Variants in LAMB4 observed in about 807,000 individuals in gnomAD.
The protein encoded by LAMB4 is laminin subunit beta 4.
In LAMB4, 196 loss-of-function variants were observed where a neutral mutation model predicts 199.2. The ratio of observed to expected loss-of-function variants is 0.98; its 90% CI spans 0.88 to 1.11. LAMB4 has a LOEUF of 1.11. LAMB4 is among the 50% of genes least tolerant of loss of function. The probability of loss-of-function intolerance (pLI) is 0.00; values close to 1 mark genes in which losing one functional copy is unlikely to be tolerated. For synonymous variants in LAMB4, 744 were observed against 770.6 expected (o/e 0.97, Z 0.57); for missense variants, 2,080 against 2,171.2 (o/e 0.96, Z 0.83).
rs370579051 is a variant in LAMB4 at position 108,078,307 on chromosome 7, C to G, written c.1897G>C (p.Asp633His). 7 of 1,597,608 alleles carry G rather than the reference C, an allele frequency of 4.4e-6. No individual in the cohort carries two copies. In the African/African-American group the frequency reaches 6.7e-5, roughly 15 times the overall value. ...AIHYETQSAA[D>H]WTVQIVVNPP... ...TTCACCACAATCTGGACAGTCCAGT[C>G]AGCTGCAGACTAGACAGGCATGACA... The change falls in exon 16 of 34, where the codon GAC becomes CAC. Residue 633 changes from aspartate (D) to histidine (H), a missense_variant. Coordinates refer to ENST00000388781, the MANE Select transcript of LAMB4 (RefSeq NM_007356.3).
intron 29 of LAMB4, among the ~76,000 whole-genome samples, chr7:108,039,390 G>C (rs555923957): frequency 6.6e-6 from 1 of 151,766 alleles, no homozygotes; most frequent in Non-Finnish European, 1.5e-5. Context: ...AATGTGACAA[G>C]AATTTTTTTG....
intron 15 of LAMB4, among the ~76,000 whole-genome samples, chr7:108,079,113 A>G (rs2150577319): frequency 6.6e-6 from 1 of 152,282 alleles, no homozygotes; most frequent in South Asian, 2.1e-4. Context: ...TGTTTTAGAT[A>G]TTTCTTAAAA....
intron 29 of LAMB4, among the ~76,000 whole-genome samples, chr7:108,043,353 C>T (rs113410778): frequency 6.6e-6 from 1 of 151,902 alleles, no homozygotes; most frequent in East Asian, 1.9e-4. Context: ...ACACAAAGTT[C>T]ATGTGTTTGG....
chr7:108,111,992 A>G, intron 3 of LAMB4, 46 bp from the exon 4 acceptor site: 1 of 1,506,846 alleles, frequency 6.6e-7, no homozygotes, highest in South Asian at 1.2e-5. Context: ...TTGGAATTAC[A>G]TATTGTTGGG....
At chr7:108,023,081 T>C (rs1335737828), downstream of LAMB4, among the ~76,000 whole-genome samples, 1 of 152,234 alleles carries the variant, frequency 6.6e-6, no homozygotes, top group Non-Finnish European at 1.5e-5. Context: ...CCCAAAGTGC[T>C]GGGATTATAG....
At chr7:108,094,111 G>A (rs929576311) in intron 12 of LAMB4, among the ~76,000 whole-genome samples, 2 of 152,202 alleles carry the variant, frequency 1.3e-5, no homozygotes, top group African/African-American at 2.4e-5. Context: ...TCCCCCATGG[G>A]GGGGGTCCCT....
intron 26 of LAMB4, 41 bp downstream of exon 26, chr7:108,052,056 A>T: frequency 6.4e-7 from 1 of 1,554,140 alleles, no homozygotes; most frequent in Non-Finnish European, 8.7e-7. Flanking sequence ...GATTTCATCA[A>T]ACTTTGTGCA....
chr7:108,091,881 GAATCAGTCAATC>G lies in LAMB4; in HGVS notation c.1551-117_1551-106del, dbSNP rs759484236. On this transcript the variant is annotated intron_variant, in intron 13 of 33. Transcript: ENST00000388781. ...CTCCCTGAGTTTGGAGCAATCCTTA[GAATCAGTCAATC>G]AATGGTCCTGTGGGAAGATGCAGAA... The G allele has an allele frequency of 3.6e-4, 404 of 1,110,708 alleles. 1 individual carries two copies. Among genetic ancestry groups the G allele is most frequent in the Middle Eastern group, 6.0e-4 (2 of 3,346 alleles). 68.8% of individuals were successfully genotyped at this position (1,110,708 alleles called of 1,614,324 possible).
At chr7:108,046,482 T>C (rs73424727) in intron 28 of LAMB4, among the ~76,000 whole-genome samples, 5,970 of 152,146 alleles carry the variant, frequency 0.039, 404 homozygotes, top group African/African-American at 0.14. Flanking sequence ...TAAAAGCTTT[T>C]TCTTCTTTGT....
intron 18 of LAMB4, among the ~76,000 whole-genome samples, chr7:108,068,520 C>T (rs2036422149): frequency 6.6e-6 from 1 of 151,784 alleles, no homozygotes; most frequent in Non-Finnish European, 1.5e-5. Context: ...ATACCTACTA[C>T]TTTATTTTTT....
At chr7:108,117,783 C>A (rs113350068) in intron 2 of LAMB4, among the ~76,000 whole-genome samples, 6,123 of 152,274 alleles carry the variant, frequency 0.04, 372 homozygotes, top group African/African-American at 0.14. Flanking sequence ...TTACCCATGT[C>A]TTCCCCTTTT....
Position 108,057,583 on chromosome 7 carries a change from T to A in LAMB4, c.3379+249A>T, listed in dbSNP as rs148704726. On this transcript the variant is annotated intron_variant, in intron 24 of 33. Transcript: ENST00000388781. ...AGCTGACTGTTCCATTTGTAATGAG[T>A]TTGAGGAATTTTAAGACAGGCTACG... Among the ~76,000 whole-genome samples, 29 of 152,256 alleles carry A rather than the reference T, an allele frequency of 1.9e-4. No homozygotes were observed. In the East Asian group the frequency reaches 5.4e-3, roughly 28 times the overall value.
At position 108,092,355 on chromosome 7, in the gene LAMB4, C is replaced by CA; in HGVS notation, c.1531_1532insT (p.Gly511ValfsTer6). ...GACTTACACGTTAGAATAAGCACCT[C>CA]CAATATCACAGTCACAGGGAGAACA... is the stretch of plus-strand genomic sequence containing the variant. On this transcript the variant is annotated frameshift_variant, in exon 13 of 34. Coordinates refer to ENST00000388781, the MANE Select transcript of LAMB4 (RefSeq NM_007356.3). LOFTEE classifies it high-confidence loss of function. 2 of 1,613,584 alleles carry CA rather than the reference C, an allele frequency of 1.2e-6. No individual in the cohort carries two copies. The highest frequency in any genetic ancestry group is 8.5e-7 in the Non-Finnish European group (1 of 1,179,546).
At chr7:108,019,300 C>A (rs1386009411), downstream of LAMB4, among the ~76,000 whole-genome samples, 2 of 151,956 alleles carry the variant, frequency 1.3e-5, no homozygotes. Context: ...TCAAAGCCAG[C>A]AACATCAGGT....
chr7:108,095,011 T>C (rs1387212964), intron 12 of LAMB4, among the ~76,000 whole-genome samples: 1 of 152,014 alleles, frequency 6.6e-6, no homozygotes, highest in Non-Finnish European at 1.5e-5. Flanking sequence ...TCCAGTCCAG[T>C]GGTGAGCTGG....
chr7:108,053,191 A>T (rs913695162), intron 25 of LAMB4, among the ~76,000 whole-genome samples: 1 of 152,212 alleles, frequency 6.6e-6, no homozygotes, highest in Non-Finnish European at 1.5e-5. Flanking sequence ...TTCTCACAAG[A>T]ATCCTATGAA....
At chr7:108,059,414 C>T (rs951891330) in intron 23 of LAMB4, among the ~76,000 whole-genome samples, 2 of 152,138 alleles carry the variant, frequency 1.3e-5, no homozygotes, top group African/African-American at 4.8e-5. Flanking sequence ...CTAGAGATGG[C>T]CATCCCAACC....
chr7:108,016,674 CT>C, the LAMB4 span, among the ~76,000 whole-genome samples: 1 of 152,174 alleles, frequency 6.6e-6, no homozygotes, highest in Non-Finnish European at 1.5e-5. Context: ...CATCTAGTGT[CT>C]CTAAAAATTA....
At chr7:108,015,899 A>G in the LAMB4 span, among the ~76,000 whole-genome samples, 1 of 152,178 alleles carries the variant, frequency 6.6e-6, no homozygotes, top group African/African-American at 2.4e-5. Context: ...TAACATTTCA[A>G]AGATGAAGTA....
Sources: allele counts gnomAD v4.1 joint callset (sites outside exome capture counted in the v4.1 genomes callset), GRCh38; gene constraint gnomAD v4.1.1; transcripts MANE v1.5; gene names NCBI Gene and HGNC (gene_info 2026-07-23, HGNC 2026-07-21).